SLC16A12: variants seen among roughly 807,000 people sequenced by gnomAD.
SLC16A12 encodes solute carrier family 16 member 12, also known as monocarboxylate transporter 12.
Under a neutral mutation model 42.4 loss-of-function variants are expected in SLC16A12, and 17 were observed. The observed-to-expected ratio is 0.40, with a 90% CI of 0.27 to 0.60. The LOEUF (loss-of-function observed/expected upper bound fraction) is 0.60, where lower values mean the gene tolerates loss of function less well. Ranked by LOEUF, SLC16A12 falls within the 20% of genes least tolerant of loss-of-function variation. The pLI, the probability that SLC16A12 is intolerant of heterozygous loss-of-function variation, is 0.42. For synonymous variants in SLC16A12, 224 were observed against 229.4 expected, an observed-to-expected ratio of 0.98 and a Z score of 0.21; for missense variants, 544 against 623.0, an observed-to-expected ratio of 0.87 and a Z score of 1.35.
chr10:89,517,174 A>G (rs1207954675), intron 2 of SLC16A12, among the ~76,000 whole-genome samples: 3 of 152,222 alleles, frequency 2.0e-5, no homozygotes, highest in Non-Finnish European at 4.4e-5. Flanking sequence ...GCAGTGAGCT[A>G]TAATTGTGCC....
At chr10:89,554,037 A>G (rs549005518) in intron 2 of SLC16A12, among the ~76,000 whole-genome samples, 8 of 43,910 alleles carry the variant, frequency 1.8e-4, no homozygotes, top group African/African-American at 3.2e-4. Flanking sequence ...AGAAAGGAAG[A>G]AAGAAAGAAA....
chr10:89,478,429 CTG>C (rs766464321), intron 2 of SLC16A12, among the ~76,000 whole-genome samples: 1 of 152,326 alleles, frequency 6.6e-6, no homozygotes, highest in Non-Finnish European at 1.5e-5. Flanking sequence ...GAAACAAAAA[CTG>C]TGTTGCATAC....
Position 89,431,018 on chromosome 10 carries a change from G to C in SLC16A12, c.*2046C>G, listed in dbSNP as rs543123140. On this transcript the variant is annotated 3_prime_UTR_variant, in exon 8 of 8. Transcript: ENST00000371790. ...ATACCTTCCAATTTTTTTTTTTTGA[G>C]ATGGAGTCTTGCTCTGTCGCCCAGG... 9.5e-4 allele frequency: 275 copies of C among 289,366 alleles called. 5 individuals are homozygous for C. Among genetic ancestry groups the C allele is most frequent in the South Asian group, 8.6e-3 (273 of 31,838 alleles). The allele number at this position is 289,366 out of a possible 1,614,324, so 17.9% of individuals were successfully genotyped here.
At chr10:89,484,782 A>T (rs933307219) in intron 2 of SLC16A12, among the ~76,000 whole-genome samples, 2 of 152,158 alleles carry the variant, frequency 1.3e-5, no homozygotes, top group Non-Finnish European at 2.9e-5. Context: ...AATTTTTCCT[A>T]TGTAAATTGG....
intron 2 of SLC16A12, among the ~76,000 whole-genome samples, chr10:89,464,877 T>C (rs1842366730): frequency 6.6e-6 from 1 of 152,196 alleles, no homozygotes; most frequent in Non-Finnish European, 1.5e-5. Context: ...ATCCTGTGAC[T>C]TTGGGGAGAC....
At chr10:89,475,402 G>A (rs968111828) in intron 2 of SLC16A12, among the ~76,000 whole-genome samples, 1 of 152,134 alleles carries the variant, frequency 6.6e-6, no homozygotes, top group African/African-American at 2.4e-5. Flanking sequence ...CACAGTCTCT[G>A]GCCCAAGCAC....
intron 2 of SLC16A12, among the ~76,000 whole-genome samples, chr10:89,467,843 A>G (rs1842427965): frequency 6.6e-6 from 1 of 152,186 alleles, no homozygotes; most frequent in African/African-American, 2.4e-5. Context: ...TTCAAGGACT[A>G]AAAATAACTA....
intron 2 of SLC16A12, among the ~76,000 whole-genome samples, chr10:89,496,197 C>A (rs2133814392): frequency 6.6e-6 from 1 of 151,528 alleles, no homozygotes; most frequent in East Asian, 1.9e-4. Flanking sequence ...AAAGAACATA[C>A]AAGGACATGA....
At chr10:89,497,749 A>G (rs1210927392) in intron 2 of SLC16A12, among the ~76,000 whole-genome samples, 2 of 151,494 alleles carry the variant, frequency 1.3e-5, no homozygotes, top group African/African-American at 4.9e-5. Flanking sequence ...GGAAAAAAAA[A>G]CCCAACATGA....
intron 2 of SLC16A12, among the ~76,000 whole-genome samples, chr10:89,474,915 C>A (rs2133775100): frequency 6.6e-6 from 1 of 152,320 alleles, no homozygotes; most frequent in South Asian, 2.1e-4. Flanking sequence ...AGCTTGTGCT[C>A]TTATTCACCG....
intron 2 of SLC16A12, among the ~76,000 whole-genome samples, chr10:89,506,401 C>T (rs1017634390): frequency 1.6e-4 from 24 of 152,140 alleles, no homozygotes; most frequent in Admixed American, 5.9e-4. Flanking sequence ...TTTGCTGTTC[C>T]GCAGCCTCCG....
chr10:89,520,705 C>G (rs1260680887), intron 2 of SLC16A12, among the ~76,000 whole-genome samples: 1 of 125,824 alleles, frequency 7.9e-6, no homozygotes, highest in East Asian at 2.2e-4. Flanking sequence ...GCTGCCATTA[C>G]TGGGTCACAT....
chr10:89,531,783 C>T lies in SLC16A12; in HGVS notation c.-47+2718G>A, dbSNP rs1843559861. On this transcript the variant is annotated intron_variant, in intron 2 of 7. Coordinates refer to ENST00000371790, the MANE Select transcript of SLC16A12 (RefSeq NM_213606.4). ...GTGCTGCCATAAAGATAGGTATATC[C>T]TCTGCCTCTATAAAAGCTTTACCGT... Among the ~76,000 whole-genome samples the T allele has an allele frequency of 3.3e-5, 5 of 152,188 alleles. No homozygotes were observed. The South Asian group carries it at 1.0e-3, about 31-fold the overall frequency.
At chr10:89,533,652 A>G (rs1333034591) in intron 2 of SLC16A12, among the ~76,000 whole-genome samples, 2 of 152,006 alleles carry the variant, frequency 1.3e-5, no homozygotes, top group African/African-American at 4.8e-5. Context: ...GGGTAGAGTT[A>G]CTCCCATCTA....
chr10:89,531,810 C>A (rs1166488332), intron 2 of SLC16A12, among the ~76,000 whole-genome samples: 1 of 152,210 alleles, frequency 6.6e-6, no homozygotes, highest in African/African-American at 2.4e-5. Context: ...CTTTACCGTG[C>A]TTTACCATCT....
chr10:89,442,887 C>T (rs1483715286), intron 4 of SLC16A12, among the ~76,000 whole-genome samples: 1 of 152,116 alleles, frequency 6.6e-6, no homozygotes. Flanking sequence ...CCTTTTGCCA[C>T]TAAGACATGG....
In SLC16A12 at chr10:89,435,300, G is replaced by A. The variant is rs573549778; in HGVS notation, c.1288+760C>T. Among the ~76,000 whole-genome samples, 16 of 152,182 alleles carry A rather than the reference G, an allele frequency of 1.1e-4. No homozygotes were observed. The East Asian group carries it at 2.3e-3, about 22-fold the overall frequency. On this transcript the variant is annotated intron_variant, in intron 7 of 7. Coordinates refer to ENST00000371790, the MANE Select transcript of SLC16A12 (RefSeq NM_213606.4). The stretch of plus-strand genomic sequence containing the variant: ...ATTTTTCAGGCAAAGCCACTTTCTC[G>A]AATTTCCTTATTTTCTCAACCATGA...
rs749436298 is a variant in SLC16A12, at chr10:89,431,759, G to A, written c.*1305C>T. Reference sequence around the variant, plus strand: ...CTTAAAATGGTTGGAAACAAGCTGGGGGATCTGGACTTTTTCTTCCCTCCA... The same window carrying A: ...CTTAAAATGGTTGGAAACAAGCTGGAGGATCTGGACTTTTTCTTCCCTCCA... On this transcript the variant is annotated 3_prime_UTR_variant, in exon 8 of 8. Coordinates refer to ENST00000371790, the MANE Select transcript of SLC16A12 (RefSeq NM_213606.4). 2.0e-4 allele frequency: 30 copies of A among 152,278 alleles called. No homozygotes were observed. Among genetic ancestry groups the A allele is most frequent in the South Asian group, 4.1e-4 (2 of 4,828 alleles). 9.4% of individuals were successfully genotyped at this position (152,278 alleles called of 1,614,324 possible).
At chr10:89,469,190 G>A (rs1842454950) in intron 2 of SLC16A12, among the ~76,000 whole-genome samples, 2 of 152,064 alleles carry the variant, frequency 1.3e-5, no homozygotes, top group African/African-American at 2.4e-5. Context: ...TGACATCAAC[G>A]ACTGATGAAT....
Sources: gnomAD v4.1 joint callset for allele counts (sites outside exome capture counted in the v4.1 genomes callset) on GRCh38, gnomAD v4.1.1 for gene constraint, MANE v1.5 for transcripts, NCBI Gene and HGNC (gene_info 2026-07-23, HGNC 2026-07-21) for gene names.